MTHFD1L: variants seen among roughly 807,000 people sequenced by gnomAD.
MTHFD1L encodes monofunctional C1-tetrahydrofolate synthase, mitochondrial.
A neutral mutation model predicts 119.5 loss-of-function variants in MTHFD1L; 81 were observed. The observed-to-expected ratio is 0.68, with a 90% CI of 0.57 to 0.82. The LOEUF (loss-of-function observed/expected upper bound fraction) is 0.82, where lower values mean the gene tolerates loss of function less well. Among genes scored for constraint, MTHFD1L ranks in the 40% least tolerant of loss-of-function variants. MTHFD1L has a pLI of 0.00. For synonymous variants in MTHFD1L, 430 were observed against 475.2 expected (o/e 0.90, Z 1.24); for missense variants, 1,125 against 1,253.4 (o/e 0.90, Z 1.55).
chr6:150,877,564 C>A, intron 2 of MTHFD1L, 70 bp from the exon 3 acceptor site: 2 of 1,513,742 alleles, frequency 1.3e-6, no homozygotes, highest in South Asian at 1.2e-5. Flanking sequence ...TCACAAAATT[C>A]ATCTCTGGAT....
chr6:150,964,864 G>T, intron 18 of MTHFD1L, 105 bp from the exon 19 acceptor site: 1 of 1,025,226 alleles, frequency 9.8e-7, no homozygotes, highest in Admixed American at 1.9e-5. Flanking sequence ...AGGGTTGCCT[G>T]TGGGGACGCC....
chr6:150,890,221 C>T (rs1251380112), intron 7 of MTHFD1L, among the ~76,000 whole-genome samples: 1 of 152,048 alleles, frequency 6.6e-6, no homozygotes, highest in African/African-American at 2.4e-5. Flanking sequence ...ATAGACAAAA[C>T]TTGCCCATAT....
intron 20 of MTHFD1L, among the ~76,000 whole-genome samples, chr6:150,988,187 T>G (rs1312877462): frequency 6.6e-6 from 1 of 152,238 alleles, no homozygotes; most frequent in East Asian, 1.9e-4. Context: ...TAAAATGTGA[T>G]CCAGAGGTTA....
At chr6:150,887,754 G>A (rs1473848776) in intron 6 of MTHFD1L, 91 bp from the exon 7 acceptor site, 6 of 1,390,692 alleles carry the variant, frequency 4.3e-6, no homozygotes, top group African/African-American at 1.5e-5. Flanking sequence ...ACCACACCCA[G>A]CCTAAAAGGG....
intron 20 of MTHFD1L, among the ~76,000 whole-genome samples, chr6:150,986,500 G>A (rs116960474): frequency 2.0e-5 from 3 of 152,094 alleles, no homozygotes; most frequent in Admixed American, 6.6e-5. Context: ...GGGATTAAAC[G>A]GTTCCACCTC....
chr6:150,962,707 C>T (rs920451834), intron 18 of MTHFD1L, among the ~76,000 whole-genome samples: 1 of 152,160 alleles, frequency 6.6e-6, no homozygotes, highest in African/African-American at 2.4e-5. Flanking sequence ...TAGAAGCCTA[C>T]CTGAGACATC....
chr6:150,969,096 C>T (rs1797666721), intron 19 of MTHFD1L, among the ~76,000 whole-genome samples: 2 of 152,036 alleles, frequency 1.3e-5, no homozygotes, highest in South Asian at 4.2e-4. Context: ...ATCCACCCAC[C>T]TCGGCCTCCC....
rs529525193 is a variant in MTHFD1L at position 151,084,837 on chromosome 6, G to C, written c.2848-7630G>C. Among the ~76,000 whole-genome samples the C allele has an allele frequency of 2.0e-4, 30 of 151,126 alleles. No individual in the cohort carries two copies. The South Asian group carries it at 5.9e-3, about 29-fold the overall frequency. Reference sequence around the variant, plus strand: ...AAAAAATTAGCCAGGCGTGGTGGCGGGTGCCTGTAGTCCCAGCTACTCGGG... The same window carrying C: ...AAAAAATTAGCCAGGCGTGGTGGCGCGTGCCTGTAGTCCCAGCTACTCGGG... On this transcript the variant is annotated intron_variant, in intron 26 of 27. Coordinates refer to ENST00000367321, the MANE Select transcript of MTHFD1L (RefSeq NM_015440.5).
rs773025874 is a variant in MTHFD1L, at chr6:150,877,835, G to A, written c.417+9G>A. The A allele has an allele frequency of 1.9e-6, 3 of 1,614,192 alleles. No individual in the cohort carries two copies. The highest frequency in any genetic ancestry group is 1.7e-6 in the Non-Finnish European group (2 of 1,180,018). On this transcript the variant is annotated intron_variant, in intron 4 of 27. Coordinates refer to ENST00000367321, the MANE Select transcript of MTHFD1L (RefSeq NM_015440.5). The stretch of plus-strand genomic sequence containing the variant: ...ATAGCAGTGAAGCCGAGGTAATAAT[G>A]GCAGAGCTCTAAACTCTTGCTTCTT...
intron 20 of MTHFD1L, among the ~76,000 whole-genome samples, chr6:150,978,818 T>C (rs1265089290): frequency 6.6e-6 from 1 of 152,152 alleles, no homozygotes; most frequent in Non-Finnish European, 1.5e-5. Flanking sequence ...CCACGATCAA[T>C]CAGAGAGTAA....
At chr6:150,948,599 C>T (rs1794376151) in intron 15 of MTHFD1L, among the ~76,000 whole-genome samples, 1 of 151,438 alleles carries the variant, frequency 6.6e-6, no homozygotes. Flanking sequence ...GCTGGGATTA[C>T]GGGCATGAGC....
intron 26 of MTHFD1L, among the ~76,000 whole-genome samples, chr6:151,067,485 A>G (rs1253369123): frequency 6.6e-6 from 1 of 150,780 alleles, no homozygotes; most frequent in Non-Finnish European, 1.5e-5. Flanking sequence ...CACCACACCC[A>G]GCTAATTTTT....
In MTHFD1L at chr6:150,882,851, C is replaced by A; in HGVS notation, c.507C>A (p.Val169=). The A allele has an allele frequency of 6.3e-7, 1 of 1,579,198 alleles. No individual in the cohort carries two copies. Residue 169 remains valine, a synonymous_variant, in exon 5 of 28, where the codon GTC becomes GTA. Transcript: ENST00000367321. The part of the protein sequence containing the change: ...QISENLFSNK[V]LNALKPEKDV... ...CTGAGAACTTGTTTAGCAACAAAGT[C>A]CTCAATGCCTTGAAACCAGAAAAAG... is the stretch of plus-strand genomic sequence containing the variant.
chr6:151,048,198 G>A (rs1392577669), intron 26 of MTHFD1L, among the ~76,000 whole-genome samples: 1 of 152,154 alleles, frequency 6.6e-6, no homozygotes, highest in Non-Finnish European at 1.5e-5. Flanking sequence ...GACTGGTGAT[G>A]GAGGAACGGT....
intron 17 of MTHFD1L, among the ~76,000 whole-genome samples, chr6:150,960,070 C>T (rs893969521): frequency 2.0e-4 from 30 of 152,170 alleles, no homozygotes; most frequent in Non-Finnish European, 2.9e-4. Flanking sequence ...GAGCACATTC[C>T]GCCTGGGAGG....
chr6:150,893,050 A>G (rs1288483432), intron 7 of MTHFD1L, among the ~76,000 whole-genome samples: 1 of 151,858 alleles, frequency 6.6e-6, no homozygotes, highest in African/African-American at 2.4e-5. Context: ...GGAAGTAAAA[A>G]TTTTAACAAC....
At chr6:150,921,116 G>A (rs1488180135) in intron 9 of MTHFD1L, among the ~76,000 whole-genome samples, 3 of 147,326 alleles carry the variant, frequency 2.0e-5, no homozygotes, top group Admixed American at 6.8e-5. Context: ...CACCACGCCC[G>A]GCTAATTTTT....
chr6:150,936,714 A>G (rs1792123162), intron 11 of MTHFD1L, 90 bp from the exon 12 acceptor site: 2 of 1,449,378 alleles, frequency 1.4e-6, no homozygotes, highest in Middle Eastern at 1.8e-4. Flanking sequence ...TGAAATGAGC[A>G]CCCTCAGATT....
In MTHFD1L at chr6:150,977,902, C is replaced by CTTTT. The variant is rs11355188; in HGVS notation, c.2125+5857_2125+5860dup. ...CATATGGAGACATATATATATACAC[C>CTTTT]TTTTTTTTTTTTTTTTGAGATGGAG... On this transcript the variant is annotated intron_variant, in intron 20 of 27. Transcript: ENST00000367321. 3.1e-4 allele frequency among the ~76,000 whole-genome samples: 44 copies of CTTTT among 141,116 alleles called. 2 individuals carry two copies. The highest frequency in any genetic ancestry group is 1.1e-3 in the African/African-American group (44 of 38,358). 92.6% of individuals were successfully genotyped at this position (141,116 alleles called of 152,430 possible).
Sources: gnomAD v4.1 joint callset for allele counts (sites outside exome capture counted in the v4.1 genomes callset) on GRCh38, gnomAD v4.1.1 for gene constraint, MANE v1.5 for transcripts, NCBI Gene and HGNC (gene_info 2026-07-23, HGNC 2026-07-21) for gene names.